Variants in NR3C2 observed in about 807,000 individuals in gnomAD.
NR3C2 encodes mineralocorticoid receptor.
In NR3C2, 15 loss-of-function variants were observed where a neutral mutation model predicts 86.4. The observed-to-expected ratio is 0.17, with a 90% CI of 0.12 to 0.27. The LOEUF (loss-of-function observed/expected upper bound fraction) is 0.27. Among genes scored for constraint, NR3C2 ranks in the 10% least tolerant of loss-of-function variants. The pLI, the probability that NR3C2 is intolerant of heterozygous loss-of-function variation, is 1.00. For missense variants in NR3C2, 960 were observed against 1,195.6 expected, an observed-to-expected ratio of 0.80 and a Z score of 2.91; for synonymous variants, 458 against 450.5, an observed-to-expected ratio of 1.02 and a Z score of -0.21.
At chr4:148,100,251 C>T (rs900303358) in intron 8 of NR3C2, among the ~76,000 whole-genome samples, 3 of 152,076 alleles carry the variant, frequency 2.0e-5, no homozygotes, top group East Asian at 1.9e-4. Context: ...AAGAGAAAGA[C>T]GATCTTGGCA....
At chr4:148,087,847 A>G (rs1730885912) in intron 8 of NR3C2, among the ~76,000 whole-genome samples, 1 of 152,240 alleles carries the variant, frequency 6.6e-6, no homozygotes, top group Non-Finnish European at 1.5e-5. Context: ...AGCAATGGCA[A>G]CAACAGCCAA....
At chr4:148,130,444 C>G (rs1228923603) in intron 6 of NR3C2, among the ~76,000 whole-genome samples, 1 of 152,176 alleles carries the variant, frequency 6.6e-6, no homozygotes, top group East Asian at 1.9e-4. Context: ...TGTAAGACAT[C>G]ACTTTATTTA....
intron 3 of NR3C2, among the ~76,000 whole-genome samples, chr4:148,248,602 TG>T (rs1739428774): frequency 6.6e-6 from 1 of 152,226 alleles, no homozygotes; most frequent in Non-Finnish European, 1.5e-5. Context: ...ATTTAAATCC[TG>T]GTCTTAAATG....
At chr4:148,129,819 C>T (rs1275833609) in intron 6 of NR3C2, among the ~76,000 whole-genome samples, 3 of 152,190 alleles carry the variant, frequency 2.0e-5, no homozygotes, top group African/African-American at 7.2e-5. Context: ...TGGTCTCGAA[C>T]TCCTGACCTC....
intron 6 of NR3C2, among the ~76,000 whole-genome samples, chr4:148,120,711 G>A (rs569922084): frequency 3.9e-5 from 6 of 152,298 alleles, no homozygotes; most frequent in African/African-American, 1.2e-4. Context: ...TAGATGCTAC[G>A]AACATAGGAT....
intron 2 of NR3C2, among the ~76,000 whole-genome samples, chr4:148,304,132 G>A (rs188119250): frequency 7.2e-6 from 1 of 139,436 alleles, no homozygotes; most frequent in African/African-American, 2.6e-5. Flanking sequence ...CTGAACTCCT[G>A]AGTTTCCTTT....
chr4:148,148,581 T>C (rs1008462494), intron 6 of NR3C2, among the ~76,000 whole-genome samples: 3 of 152,198 alleles, frequency 2.0e-5, no homozygotes, highest in Non-Finnish European at 2.9e-5. Flanking sequence ...TCTTAGTTCA[T>C]TGAAGGCCCA....
At chr4:148,257,705 A>G (rs140878482) in intron 3 of NR3C2, among the ~76,000 whole-genome samples, 244 of 152,246 alleles carry the variant, frequency 1.6e-3, no homozygotes, top group African/African-American at 5.6e-3. Flanking sequence ...CACATATTTA[A>G]TCTCTCTCAT....
chr4:148,430,686 TCAGA>T (rs1749760238), intron 2 of NR3C2, among the ~76,000 whole-genome samples: 2 of 152,104 alleles, frequency 1.3e-5, no homozygotes, highest in African/African-American at 2.4e-5. Flanking sequence ...TCTCTCTCTC[TCAGA>T]CACACACCCT....
chr4:148,261,415 C>T (rs34279352), intron 2 of NR3C2, among the ~76,000 whole-genome samples: 25,815 of 150,410 alleles, frequency 0.17, 2,967 homozygotes, highest in East Asian at 0.47. Flanking sequence ...TGCTATGGTG[C>T]GCTATGGTAA....
intron 2 of NR3C2, among the ~76,000 whole-genome samples, chr4:148,400,218 C>T (rs1748073620): frequency 6.6e-6 from 1 of 152,148 alleles, no homozygotes; most frequent in Non-Finnish European, 1.5e-5. Flanking sequence ...ATTCAAAAAC[C>T]TTCAAGGGCT....
chr4:148,114,265 T>G lies in NR3C2; in HGVS notation c.2642-4A>C. On this transcript the variant is annotated splice_region_variant and splice_polypyrimidine_tract_variant and intron_variant, in intron 7 of 8. Transcript: ENST00000358102. Reference sequence around the variant, plus strand: ...CTTTTGAGGCCATCCTTTGGAACTGTGTTAAGGAAAACAGACATGTAAATT... The same window carrying G: ...CTTTTGAGGCCATCCTTTGGAACTGGGTTAAGGAAAACAGACATGTAAATT... 6.2e-7 allele frequency: 1 copy of G among 1,613,832 alleles called. No homozygotes were observed. The highest frequency in any genetic ancestry group is 8.5e-7 in the Non-Finnish European group (1 of 1,179,852).
At chr4:148,203,229 C>T (rs921154356) in intron 3 of NR3C2, among the ~76,000 whole-genome samples, 6 of 151,990 alleles carry the variant, frequency 3.9e-5, no homozygotes, top group African/African-American at 1.2e-4. Flanking sequence ...TTTCGTAGAG[C>T]ACCAAACTGG....
chr4:148,152,627 CAATT>C lies in NR3C2; in HGVS notation c.2366-18_2366-15del, dbSNP rs756113767. On this transcript the variant is annotated splice_polypyrimidine_tract_variant and intron_variant, in intron 5 of 8. Coordinates refer to ENST00000358102, the MANE Select transcript of NR3C2 (RefSeq NM_000901.5). ...AGTTTTTAAATCCTGAAGAACAAAA[CAATT>C]AATCACAGAAATACACTTAGCATTT... 1 of 1,612,994 alleles carries C rather than the reference CAATT, an allele frequency of 6.2e-7. No individual in the cohort carries two copies. Among genetic ancestry groups the C allele is most frequent in the Non-Finnish European group, 8.5e-7 (1 of 1,179,092 alleles).
chr4:148,294,894 A>T (rs1741971960), intron 2 of NR3C2, among the ~76,000 whole-genome samples: 1 of 152,144 alleles, frequency 6.6e-6, no homozygotes, highest in Non-Finnish European at 1.5e-5. Context: ...AGGCTGAGAC[A>T]GGAGGATTGC....
intron 2 of NR3C2, among the ~76,000 whole-genome samples, chr4:148,387,551 T>G (rs1747328012): frequency 6.6e-6 from 1 of 152,210 alleles, no homozygotes; most frequent in Non-Finnish European, 1.5e-5. Context: ...TTCAAATTGT[T>G]TTGGTCACAT....
At chr4:148,356,306 C>G (rs967710615) in intron 2 of NR3C2, among the ~76,000 whole-genome samples, 3 of 152,262 alleles carry the variant, frequency 2.0e-5, no homozygotes, top group Middle Eastern at 3.4e-3. Context: ...TGTCAATGTA[C>G]AAATGATGTT....
chr4:148,181,637 A>G (rs1459855271), intron 4 of NR3C2, among the ~76,000 whole-genome samples: 1 of 152,254 alleles, frequency 6.6e-6, no homozygotes, highest in Non-Finnish European at 1.5e-5. Flanking sequence ...CACAAAGCAG[A>G]AAATTCTCAT....
chr4:148,090,772 G>A (rs767329660), intron 8 of NR3C2, among the ~76,000 whole-genome samples: 2 of 152,168 alleles, frequency 1.3e-5, no homozygotes, highest in Non-Finnish European at 2.9e-5. Context: ...TATTAACCTG[G>A]GGTTGGCATT....
Sources: allele counts gnomAD v4.1 joint callset (sites outside exome capture counted in the v4.1 genomes callset), GRCh38; gene constraint gnomAD v4.1.1; transcripts MANE v1.5; gene names NCBI Gene and HGNC (gene_info 2026-07-23, HGNC 2026-07-21).